Variants in ARMCX4 observed in about 807,000 individuals in gnomAD.
ARMCX4 encodes the protein armadillo repeat containing X-linked 4.
ARMCX4 carries 3 observed loss-of-function variants against 34.7 expected under a neutral mutation model. That is an observed-to-expected ratio of 0.09 (90% confidence interval 0.04 to 0.22). The LOEUF (loss-of-function observed/expected upper bound fraction) is 0.22. ARMCX4 is among the 10% of genes least tolerant of loss of function. The pLI, the probability that ARMCX4 is intolerant of heterozygous loss-of-function variation, is 1.00. For missense variants in ARMCX4, 1,448 were observed against 1,720.8 expected (o/e 0.84, Z 2.81); for synonymous variants, 513 against 632.8 (o/e 0.81, Z 2.84).
chrX:101,475,424 A>C (rs913797009), intron 4 of ARMCX4, among the ~76,000 whole-genome samples: 2 of 111,770 alleles, frequency 1.8e-5, no homozygotes, highest in Non-Finnish European at 3.8e-5. Flanking sequence ...CCTCCAAACC[A>C]CTATAGGTAA....
At chrX:101,449,471 A>T (rs782458008), downstream of ARMCX4, among the ~76,000 whole-genome samples, 1 of 111,735 alleles carries the variant, frequency 8.9e-6, no homozygotes, top group Non-Finnish European at 1.9e-5. Flanking sequence ...TTTCTTCTTC[A>T]TCATCCATTC....
intron 4 of ARMCX4, among the ~76,000 whole-genome samples, chrX:101,453,692 A>G (rs5951324): frequency 0.49 from 53,251 of 108,724 alleles, 10,619 homozygotes; most frequent in Non-Finnish European, 0.62. Flanking sequence ...TCTACACCAG[A>G]ACTCTGCTTG....
At chrX:101,460,776 A>G (rs368888066) in intron 4 of ARMCX4, among the ~76,000 whole-genome samples, 3 of 112,008 alleles carry the variant, frequency 2.7e-5, no homozygotes, top group East Asian at 2.8e-4. Flanking sequence ...CTTATGATAT[A>G]GGAAACCTTC....
chrX:101,509,256 T>C (rs1311695913), intron 8 of ARMCX4: 1 of 111,752 alleles, frequency 8.9e-6, no homozygotes, highest in African/African-American at 3.3e-5. Context: ...GGATTTCTTT[T>C]CACAATAATC....
chrX:101,457,692 A>G (rs1212274322), intron 4 of ARMCX4, among the ~76,000 whole-genome samples: 4 of 111,237 alleles, frequency 3.6e-5, no homozygotes, highest in Non-Finnish European at 7.6e-5. Flanking sequence ...ATTGCACTCC[A>G]GCCTGGGCAA....
chrX:101,462,364 C>T (rs184045844), intron 4 of ARMCX4, among the ~76,000 whole-genome samples: 45 of 110,628 alleles, frequency 4.1e-4, no homozygotes, highest in African/African-American at 1.3e-3. Context: ...ATTTGTAGGC[C>T]GGCGCAGTGG....
At chrX:101,526,115 T>C (rs1210353595) in intron 11 of ARMCX4, among the ~76,000 whole-genome samples, 9 of 111,860 alleles carry the variant, frequency 8.0e-5, no homozygotes, top group South Asian at 3.7e-4. Context: ...GGGAAGCTCA[T>C]CAGACTAACA....
chrX:101,494,090 AGGCTGGGGCTGG>A lies in ARMCX4; in HGVS notation c.5515_5526del (p.Ala1839_Gly1842del), dbSNP rs782038441. ...GGGGCTGGGGCTGAGGCTGGGGCTG[AGGCTGGGGCTGG>A]GGCTGGGGCTGGGCCTGGGACTGAG... On this transcript the variant is annotated inframe_deletion, in exon 6 of 6. Coordinates refer to ENST00000423738, the MANE Select transcript of ARMCX4 (RefSeq NM_001256155.3). 115 of 263,674 alleles carry A rather than the reference AGGCTGGGGCTGG, an allele frequency of 4.4e-4. No homozygotes were observed. In the Middle Eastern group the frequency reaches 7.4e-3, roughly 17 times the overall value. 21.7% of individuals were successfully genotyped at this position (263,674 alleles called of 1,213,427 possible).
downstream of ARMCX4, among the ~76,000 whole-genome samples, chrX:101,534,309 G>A (rs1935183919): frequency 9.0e-6 from 1 of 111,579 alleles, no homozygotes; most frequent in East Asian, 2.8e-4. Context: ...TTATCACTCA[G>A]TTAACTTATA....
downstream of ARMCX4, among the ~76,000 whole-genome samples, chrX:101,496,783 C>T (rs1934187322): frequency 9.0e-6 from 1 of 111,502 alleles, no homozygotes; most frequent in South Asian, 3.8e-4. Context: ...GAGGAGCACT[C>T]TTAAACTGCT....
chrX:101,441,090 C>G (rs1240376125), intron 2 of ARMCX4, among the ~76,000 whole-genome samples: 4 of 111,297 alleles, frequency 3.6e-5, no homozygotes, highest in Non-Finnish European at 7.5e-5. Context: ...TAGACTGGAG[C>G]TGTTCCTATT....
At chrX:101,529,611 T>A (rs1467712204) in intron 11 of ARMCX4, among the ~76,000 whole-genome samples, 2 of 112,022 alleles carry the variant, frequency 1.8e-5, no homozygotes, top group African/African-American at 3.2e-5. Context: ...ATTCAGAATC[T>A]ACGAAGAACT....
rs1484672730 is a variant in ARMCX4, at chrX:101,491,431, G to A, written c.2842G>A (p.Val948Ile). 6.9e-6 allele frequency: 8 copies of A among 1,155,199 alleles called. No homozygotes were observed. Among genetic ancestry groups the A allele is most frequent in the Non-Finnish European group, 9.2e-6 (8 of 872,873 alleles). ...GGCTGGGGCAGGCATAATGGGCTCT[G>A]TCCAGGTCCAGGTTGTGGCCAGTTT... ...AEAGAGIMGS[V>I]QVQVVASFQG... The change falls in exon 6 of 6, where the codon GTC becomes ATC. Residue 948 changes from valine to isoleucine, a missense_variant. Around this residue, in one of 2 missense-constraint regions of ARMCX4, gnomAD observed 1,343 missense variants for 1,540.7 expected, o/e 0.87. Transcript: ENST00000423738.
At chrX:101,474,708 C>T (rs1933092775) in intron 4 of ARMCX4, among the ~76,000 whole-genome samples, 1 of 99,786 alleles carries the variant, frequency 1.0e-5, no homozygotes, top group South Asian at 5.0e-4. Flanking sequence ...AAAACAAAAA[C>T]CACATGATTA....
intron 1 of ARMCX4, 96 bp downstream of exon 1, chrX:101,485,626 T>A: frequency 8.5e-6 from 1 of 117,151 alleles, no homozygotes; most frequent in East Asian, 2.8e-4. Context: ...TGGTCTATGC[T>A]GCCTCAAGTT....
intron 2 of ARMCX4, among the ~76,000 whole-genome samples, chrX:101,434,254 CTTTT>C (rs140569758): frequency 1.1e-5 from 1 of 89,290 alleles, no homozygotes. Flanking sequence ...TTAGAGTATT[CTTTT>C]TTTTTTTTTT....
intron 4 of ARMCX4, among the ~76,000 whole-genome samples, chrX:101,479,330 AC>A (rs1556004925): frequency 9.6e-6 from 1 of 104,425 alleles, no homozygotes; most frequent in African/African-American, 3.8e-5. Context: ...ACACACACAC[AC>A]ACACACACAC....
chrX:101,498,446 G>A (rs1934228446), downstream of ARMCX4: 1 of 152,073 alleles, frequency 6.6e-6, no homozygotes. Context: ...CTGGTGCCAT[G>A]TATCAGACCT....
intron 2 of ARMCX4, among the ~76,000 whole-genome samples, chrX:101,432,819 T>C (rs782300160): frequency 2.9e-5 from 3 of 103,956 alleles, no homozygotes; most frequent in East Asian, 3.1e-4. Context: ...TACATATATA[T>C]GTATATACGT....
Sources: allele counts gnomAD v4.1 joint callset (sites outside exome capture counted in the v4.1 genomes callset), GRCh38; gene constraint gnomAD v4.1.1; regional missense constraint gnomAD v4.1.1; transcripts MANE v1.5; gene names NCBI Gene and HGNC (gene_info 2026-07-23, HGNC 2026-07-21).